AK5: variants seen among roughly 807,000 people sequenced by gnomAD.
The protein encoded by AK5 is adenylate kinase isoenzyme 5.
In AK5, 27 loss-of-function variants were observed where a neutral mutation model predicts 69.5. The observed-to-expected ratio is 0.39, with a 90% confidence interval of 0.29 to 0.54. The LOEUF (loss-of-function observed/expected upper bound fraction) is 0.54. AK5 is among the 20% of genes least tolerant of loss of function. The probability of loss-of-function intolerance (pLI) is 0.71; values close to 1 mark genes in which losing one functional copy is unlikely to be tolerated. For synonymous variants in AK5, 260 were observed against 244.4 expected (o/e 1.06, Z -0.60); for missense variants, 531 against 700.4 (o/e 0.76, Z 2.73).
intron 8 of AK5, among the ~76,000 whole-genome samples, chr1:77,429,307 G>A (rs1306956424): frequency 6.6e-6 from 1 of 152,220 alleles, no homozygotes; most frequent in Non-Finnish European, 1.5e-5. Flanking sequence ...ACTGGTGTGA[G>A]ATGGTATCTC....
intron 5 of AK5, among the ~76,000 whole-genome samples, chr1:77,319,033 C>T (rs1660388504): frequency 6.6e-6 from 1 of 152,090 alleles, no homozygotes; most frequent in South Asian, 2.1e-4. Flanking sequence ...TAGTTCAATA[C>T]TACAGGGCTG....
chr1:77,327,628 C>T (rs1359978116), intron 5 of AK5, among the ~76,000 whole-genome samples: 1 of 152,208 alleles, frequency 6.6e-6, no homozygotes, highest in Non-Finnish European at 1.5e-5. Flanking sequence ...ACCAGGCAGG[C>T]ATAGCTCACC....
At chr1:77,365,096 GT>G (rs1646928194) in intron 6 of AK5, among the ~76,000 whole-genome samples, 1 of 151,888 alleles carries the variant, frequency 6.6e-6, no homozygotes, top group African/African-American at 2.4e-5. Context: ...ATTGTATTTT[GT>G]TTTGCATTTC....
rs1491531725 is a variant in AK5, at chr1:77,368,301, TAA to T, written c.891+27734_891+27735del. Among the ~76,000 whole-genome samples, 19 of 113,888 alleles carry T rather than the reference TAA, an allele frequency of 1.7e-4. No individual in the cohort carries two copies. In the South Asian group the frequency reaches 4.4e-3, roughly 26 times the overall value. 74.7% of individuals were successfully genotyped at this position (113,888 alleles called of 152,430 possible). ...ATATATGTTATATATATGTTATATA[TAA>T]TATATATGTTATATATAATATATAT... On this transcript the variant is annotated intron_variant, in intron 6 of 13. Transcript: ENST00000354567.
chr1:77,470,856 TATATATATATATATA>T (rs1444441150), intron 8 of AK5, among the ~76,000 whole-genome samples: 1,702 of 20,382 alleles, frequency 0.084, 227 homozygotes, highest in Middle Eastern at 0.16. Flanking sequence ...TATATATATA[TATATATATATATATA>T]TATATTTTTT....
At position 77,331,120 on chromosome 1, in the gene AK5, T is replaced by C. The variant is rs143423664; in HGVS notation, c.700-9257T>C. ...ATGCTAAATTTGCATATTCTAATAGTTTTAAATTTTTCATTTTTATATATA... is the reference window on the plus strand; with the variant it reads ...ATGCTAAATTTGCATATTCTAATAGCTTTAAATTTTTCATTTTTATATATA... On this transcript the variant is annotated intron_variant, in intron 5 of 13. Transcript: ENST00000354567. Among the ~76,000 whole-genome samples, 17 of 152,140 alleles carry C rather than the reference T, an allele frequency of 1.1e-4. 1 individual carries two copies. In the East Asian group the frequency reaches 3.3e-3, roughly 29 times the overall value.
At chr1:77,558,292 G>A (rs1473702728) in intron 13 of AK5, among the ~76,000 whole-genome samples, 1 of 152,180 alleles carries the variant, frequency 6.6e-6, no homozygotes, top group African/African-American at 2.4e-5. Flanking sequence ...TCTGAAGTGG[G>A]TGTACCATTT....
rs746574186 is a variant in AK5 at position 77,282,309 on chromosome 1, C to T, written c.-5C>T. 15 of 1,553,686 alleles carry T rather than the reference C, an allele frequency of 9.7e-6. No individual in the cohort carries two copies. The highest frequency in any genetic ancestry group is 1.9e-5 in the Admixed American group (1 of 51,382). On this transcript the variant is annotated 5_prime_UTR_variant, in exon 1 of 14. Transcript: ENST00000354567. ...CTTGCGCCCCAAGGCACGCGCGGCACAGCCATGAACACCAACGATGCCAAG... is the reference window on the plus strand; with the variant it reads ...CTTGCGCCCCAAGGCACGCGCGGCATAGCCATGAACACCAACGATGCCAAG...
At chr1:77,451,011 A>G (rs945824901) in intron 8 of AK5, among the ~76,000 whole-genome samples, 3 of 152,070 alleles carry the variant, frequency 2.0e-5, no homozygotes, top group Non-Finnish European at 2.9e-5. Context: ...CCTCATCTCT[A>G]AAAAACTTTT....
intron 13 of AK5, among the ~76,000 whole-genome samples, chr1:77,544,596 C>T (rs1372199502): frequency 6.6e-6 from 1 of 151,026 alleles, no homozygotes; most frequent in Non-Finnish European, 1.5e-5. Context: ...CACACACATT[C>T]GCCTAGGCCT....
intron 2 of AK5, among the ~76,000 whole-genome samples, chr1:77,287,723 A>G (rs1243096429): frequency 6.6e-6 from 1 of 152,242 alleles, no homozygotes; most frequent in East Asian, 1.9e-4. Context: ...GTGGTGGAAG[A>G]AGATTTATAG....
intron 10 of AK5, among the ~76,000 whole-genome samples, chr1:77,514,223 G>C (rs916270650): frequency 6.6e-6 from 1 of 152,140 alleles, no homozygotes; most frequent in African/African-American, 2.4e-5. Flanking sequence ...CACGTGGTAT[G>C]GTGTATGGGC....
intron 6 of AK5, among the ~76,000 whole-genome samples, chr1:77,378,665 A>G (rs1269296497): frequency 6.6e-6 from 1 of 152,252 alleles, no homozygotes; most frequent in African/African-American, 2.4e-5. Flanking sequence ...CTAAAAATTC[A>G]TATTAAAGCA....
Position 77,297,627 on chromosome 1 carries a change from T to G in AK5, c.484T>G (p.Ser162Ala). The change falls in exon 4 of 14, where the codon TCT (serine) becomes GCT (alanine). Residue 162 changes from serine to alanine, a missense_variant. Ser to Ala is a moderately conservative substitution (Grantham distance 99). Coordinates refer to ENST00000354567, the MANE Select transcript of AK5 (RefSeq NM_174858.3). Reference protein sequence around the residue: ...IAERYGFQYISVGELLRKKIH... With the variant: ...IAERYGFQYIAVGELLRKKIH... ...AGAACGATATGGATTCCAATACATT[T>G]CTGTGGGAGAATTATTAAGAAAGAA... 1 of 1,613,976 alleles carries G rather than the reference T, an allele frequency of 6.2e-7. No homozygotes were observed. The highest frequency in any genetic ancestry group is 1.1e-5 in the South Asian group (1 of 91,034).
chr1:77,376,436 AAAAAAAAAAAAAAAC>A (rs1176257810), intron 6 of AK5, among the ~76,000 whole-genome samples: 3 of 35,790 alleles, frequency 8.4e-5, no homozygotes, highest in South Asian at 1.6e-3. Context: ...TCAATGCCAA[AAAAAAAAAAAAAAAC>A]AAAAAAAAAA....
chr1:77,367,554 T>TATATATATATATATATA (rs59508312), intron 6 of AK5, among the ~76,000 whole-genome samples: 3,403 of 28,544 alleles, frequency 0.12, 469 homozygotes, highest in African/African-American at 0.15. Context: ...ATTTATGTTA[T>TATATATATATATATATA]TTTTATATAT....
At chr1:77,294,410 GA>G (rs1403555025) in intron 3 of AK5, among the ~76,000 whole-genome samples, 1 of 151,288 alleles carries the variant, frequency 6.6e-6, no homozygotes, top group South Asian at 2.1e-4. Context: ...ATTTCTAGAA[GA>G]AAAAAAGAAA....
intron 1 of AK5, among the ~76,000 whole-genome samples, chr1:77,285,681 A>G (rs916073806): frequency 6.6e-6 from 1 of 152,206 alleles, no homozygotes; most frequent in Admixed American, 6.5e-5. Context: ...CCAGTGACAC[A>G]TCAGACACCA....
At chr1:77,301,361 C>T (rs771465696) in intron 5 of AK5, among the ~76,000 whole-genome samples, 2 of 152,208 alleles carry the variant, frequency 1.3e-5, no homozygotes, top group Non-Finnish European at 2.9e-5. Context: ...TGACATCCAT[C>T]GCTTCTGCTC....
Sources: gnomAD v4.1 joint callset for allele counts (sites outside exome capture counted in the v4.1 genomes callset) on GRCh38, gnomAD v4.1.1 for gene constraint, MANE v1.5 for transcripts, NCBI Gene and HGNC (gene_info 2026-07-23, HGNC 2026-07-21) for gene names.